LRRIQ3: variants seen among roughly 807,000 people sequenced by gnomAD.
The protein encoded by LRRIQ3 is leucine-rich repeat and IQ domain-containing protein 3.
Under a neutral mutation model 59.3 loss-of-function variants are expected in LRRIQ3, and 75 were observed. The observed-to-expected ratio is 1.26, with a 90% CI of 1.05 to 1.53. LRRIQ3 has a LOEUF of 1.53. Among genes scored for constraint, LRRIQ3 ranks in the 40% most tolerant of loss-of-function variants. The pLI is 0.00. For missense variants in LRRIQ3, 831 were observed against 710.0 expected (o/e 1.17, Z -1.94); for synonymous variants, 250 against 231.3 (o/e 1.08, Z -0.73).
chr1:74,191,072 G>A (rs1010185236), intron 1 of LRRIQ3, among the ~76,000 whole-genome samples: 5 of 152,082 alleles, frequency 3.3e-5, no homozygotes, highest in Non-Finnish European at 7.4e-5. Flanking sequence ...TGTTGAGTGT[G>A]TCTTTATCAG....
chr1:74,099,176 A>G (rs1262315092), intron 5 of LRRIQ3, among the ~76,000 whole-genome samples: 1 of 152,182 alleles, frequency 6.6e-6, no homozygotes, highest in Admixed American at 6.5e-5. Flanking sequence ...AATAAAGAAG[A>G]AAAGAGACAA....
Position 74,050,529 on chromosome 1 carries a change from G to A in LRRIQ3, c.998-8596C>T, listed in dbSNP as rs1654340217. 5.1e-6 allele frequency: 5 copies of A among 985,286 alleles called. No individual in the cohort carries two copies. The Admixed American group carries it at 2.5e-4, about 49-fold the overall frequency. 61.0% of individuals were successfully genotyped at this position (985,286 alleles called of 1,614,324 possible). The stretch of plus-strand genomic sequence containing the variant: ...GCCAATACCATTTGTGGTCAACAGA[G>A]CTTGTTTGATTCTTCTGAACGTATT... On this transcript the variant is annotated intron_variant, in intron 6 of 7. Transcript: ENST00000354431.
intron 6 of LRRIQ3, among the ~76,000 whole-genome samples, chr1:74,048,052 A>G (rs1237778582): frequency 6.6e-6 from 1 of 152,164 alleles, no homozygotes; most frequent in African/African-American, 2.4e-5. Flanking sequence ...GAAACTTACC[A>G]TGTTGGCATC....
intron 5 of LRRIQ3, among the ~76,000 whole-genome samples, chr1:74,105,664 T>C (rs1214753252): frequency 6.6e-6 from 1 of 152,004 alleles, no homozygotes; most frequent in African/African-American, 2.4e-5. Flanking sequence ...ATTTAACCTT[T>C]AGAATAATAC....
intron 3 of LRRIQ3, 30 bp downstream of exon 3, chr1:74,182,508 T>C: frequency 7.2e-7 from 1 of 1,395,856 alleles, no homozygotes. Context: ...ATACATTTAA[T>C]TAAAATGAAA....
At chr1:74,170,003 C>T (rs1649224345) in intron 3 of LRRIQ3, among the ~76,000 whole-genome samples, 1 of 151,982 alleles carries the variant, frequency 6.6e-6, no homozygotes, top group South Asian at 2.1e-4. Flanking sequence ...TTAACCATTC[C>T]TTATTCGGGT....
chr1:74,191,581 C>T (rs1650771620), intron 1 of LRRIQ3, among the ~76,000 whole-genome samples: 1 of 151,914 alleles, frequency 6.6e-6, no homozygotes, highest in Admixed American at 6.6e-5. Flanking sequence ...GAACAGAAGC[C>T]ATGCAACATC....
intron 3 of LRRIQ3, chr1:74,180,841 C>T: frequency 3.9e-6 from 6 of 1,519,180 alleles, no homozygotes; most frequent in South Asian, 3.7e-5. Flanking sequence ...TTCAAAAAGG[C>T]CTTCCCCATC....
At chr1:74,060,719 C>A (rs1167760116) in intron 6 of LRRIQ3, among the ~76,000 whole-genome samples, 3 of 151,660 alleles carry the variant, frequency 2.0e-5, no homozygotes, top group Non-Finnish European at 4.4e-5. Flanking sequence ...CACACACACA[C>A]CAAAAAAAGG....
intron 3 of LRRIQ3, among the ~76,000 whole-genome samples, chr1:74,178,411 A>G (rs1003011224): frequency 7.9e-5 from 12 of 152,088 alleles, no homozygotes; most frequent in African/African-American, 2.9e-4. Context: ...AACACGTTAA[A>G]TTTTACAAAA....
chr1:74,106,078 C>A (rs535532168), intron 5 of LRRIQ3, among the ~76,000 whole-genome samples: 2 of 152,012 alleles, frequency 1.3e-5, no homozygotes, highest in South Asian at 4.2e-4. Context: ...GAATCAGGCA[C>A]CCTCTCCAGA....
intron 3 of LRRIQ3, among the ~76,000 whole-genome samples, chr1:74,177,854 T>C (rs985654298): frequency 5.9e-5 from 9 of 152,036 alleles, no homozygotes; most frequent in Non-Finnish European, 1.3e-4. Flanking sequence ...CCCTATGTGC[T>C]TATTTTTCCA....
intron 5 of LRRIQ3, among the ~76,000 whole-genome samples, chr1:74,078,436 C>A (rs1474012997): frequency 6.6e-6 from 1 of 151,750 alleles, no homozygotes; most frequent in Non-Finnish European, 1.5e-5. Context: ...GTAAATTAAG[C>A]AAATGAAGTA....
chr1:74,103,026 A>G (rs530531859), intron 5 of LRRIQ3, among the ~76,000 whole-genome samples: 1 of 152,078 alleles, frequency 6.6e-6, no homozygotes, highest in South Asian at 2.1e-4. Context: ...TAGCTCTAGT[A>G]TCTTCTCTAT....
intron 6 of LRRIQ3, among the ~76,000 whole-genome samples, chr1:74,073,792 A>T (rs1646165305): frequency 6.6e-6 from 1 of 152,130 alleles, no homozygotes; most frequent in Non-Finnish European, 1.5e-5. Context: ...ATGTTTAAGA[A>T]TTAGGAGAAG....
At chr1:74,149,241 C>T (rs4650248) in intron 4 of LRRIQ3, among the ~76,000 whole-genome samples, 129,311 of 152,120 alleles carry the variant, frequency 0.85, 55,815 homozygotes, top group East Asian at 0.97. Flanking sequence ...GGGAAATTTA[C>T]GTAAGATGGC....
intron 3 of LRRIQ3, among the ~76,000 whole-genome samples, chr1:74,177,826 T>C (rs1229098335): frequency 6.6e-6 from 1 of 152,018 alleles, no homozygotes; most frequent in Non-Finnish European, 1.5e-5. Flanking sequence ...ATCTACTCTA[T>C]CTTCTTAGAA....
chr1:74,074,700 C>T lies in LRRIQ3; in HGVS notation c.958G>A (p.Gly320Ser). 6.9e-7 allele frequency: 1 copy of T among 1,443,698 alleles called. No individual in the cohort carries two copies. Among genetic ancestry groups the T allele is most frequent in the Non-Finnish European group, 9.3e-7 (1 of 1,078,328 alleles). The allele number at this position is 1,443,698 out of a possible 1,614,324, so 89.4% of individuals were successfully genotyped here. The change falls in exon 6 of 8, where the codon GGC becomes AGC. Residue 320 changes from glycine (G) to serine (S), a missense_variant. Transcript: ENST00000354431. ...ILCELKPKDL[G>S]MKSKTSRHLI... is the part of the protein sequence containing the mutation. ...TGTCTTGATGTTTTTGATTTCATGC[C>T]TAGATCTTTTGGTTTTAATTCACAT...
chr1:74,186,378 T>G (rs1366655459), intron 1 of LRRIQ3, among the ~76,000 whole-genome samples: 1 of 152,156 alleles, frequency 6.6e-6, no homozygotes, highest in Non-Finnish European at 1.5e-5. Context: ...TCTATTTTCC[T>G]TACTGATCTC....
Sources: allele counts gnomAD v4.1 joint callset (sites outside exome capture counted in the v4.1 genomes callset), GRCh38; gene constraint gnomAD v4.1.1; transcripts MANE v1.5; gene names NCBI Gene and HGNC (gene_info 2026-07-23, HGNC 2026-07-21).